DDX46: variants seen among roughly 807,000 people sequenced by gnomAD.
The protein encoded by DDX46 is DEAD-box helicase 46.
A neutral mutation model predicts 134.9 loss-of-function variants in DDX46; 30 were observed. That is an observed-to-expected ratio of 0.22 (90% CI 0.17 to 0.30). DDX46 has a LOEUF of 0.30. DDX46 is among the 10% of genes least tolerant of loss of function. DDX46 has a pLI of 1.00. For missense variants in DDX46, 622 were observed against 1,248.7 expected (o/e 0.50, Z 7.56); for synonymous variants, 415 against 404.1 (o/e 1.03, Z -0.32).
intron 17 of DDX46, 123 bp downstream of exon 17, chr5:134,811,481 T>C (rs1755140399): frequency 7.5e-7 from 1 of 1,336,868 alleles, no homozygotes; most frequent in Non-Finnish European, 1.0e-6. Context: ...TTTATTTCTC[T>C]CTAGAGGGAA....
intron 13 of DDX46, 55 bp from the exon 14 acceptor site, chr5:134,794,793 CAT>C: frequency 6.3e-7 from 1 of 1,589,320 alleles, no homozygotes; most frequent in Middle Eastern, 1.7e-4. Flanking sequence ...TTTAACATTG[CAT>C]AAGCTTTGAA....
chr5:134,770,552 C>G (rs1473904836), intron 3 of DDX46, among the ~76,000 whole-genome samples: 2 of 152,106 alleles, frequency 1.3e-5, no homozygotes, highest in Non-Finnish European at 2.9e-5. Context: ...TGGCTCATGC[C>G]TATAATCCCA....
intron 21 of DDX46, chr5:134,826,209 A>G (rs1490464141): frequency 6.6e-6 from 1 of 152,146 alleles, no homozygotes; most frequent in Non-Finnish European, 1.5e-5. Context: ...TTGTTTTTCT[A>G]GTCTGTAAGC....
rs375140794 is a variant in DDX46, at chr5:134,786,041, G to C, written c.1464+455G>C. On this transcript the variant is annotated intron_variant, in intron 11 of 22. Coordinates refer to ENST00000452510, the MANE Select transcript of DDX46 (RefSeq NM_001300860.2). The stretch of plus-strand genomic sequence containing the variant: ...TTTTTGTATTTTTAGTAGAGACGGG[G>C]TTTCACCATATTGGCCAGATTGGTC... Among the ~76,000 whole-genome samples, 93 of 152,114 alleles carry C rather than the reference G, an allele frequency of 6.1e-4. 1 individual carries two copies. In the Middle Eastern group the frequency reaches 0.02, roughly 33 times the overall value.
intron 15 of DDX46, chr5:134,804,792 CTG>C (rs1754934466): frequency 2.6e-6 from 1 of 384,686 alleles, no homozygotes; most frequent in Admixed American, 2.8e-5. Flanking sequence ...CTCTCTGACT[CTG>C]TGCTTGTGCC....
At chr5:134,810,342 T>C (rs1755107107) in intron 16 of DDX46, among the ~76,000 whole-genome samples, 1 of 151,360 alleles carries the variant, frequency 6.6e-6, no homozygotes. Flanking sequence ...TACCTATGTT[T>C]CTTTTTTTTT....
chr5:134,792,962 A>G (rs1047932985), intron 13 of DDX46, among the ~76,000 whole-genome samples: 2 of 152,048 alleles, frequency 1.3e-5, no homozygotes, highest in African/African-American at 4.8e-5. Context: ...CAAGACAAGC[A>G]GGGGGCAACA....
At chr5:134,809,940 G>C (rs1359522800) in intron 16 of DDX46, among the ~76,000 whole-genome samples, 5 of 152,178 alleles carry the variant, frequency 3.3e-5, no homozygotes, top group Non-Finnish European at 5.9e-5. Flanking sequence ...TTGAACCCGG[G>C]AGGCAGAGGT....
intron 15 of DDX46, among the ~76,000 whole-genome samples, chr5:134,801,948 C>T (rs1754840729): frequency 6.6e-6 from 1 of 151,932 alleles, no homozygotes; most frequent in Non-Finnish European, 1.5e-5. Context: ...TGTATTTATT[C>T]TGTGTGGGGT....
chr5:134,779,274 C>T (rs922125523), intron 6 of DDX46, among the ~76,000 whole-genome samples: 17 of 151,618 alleles, frequency 1.1e-4, no homozygotes, highest in African/African-American at 3.6e-4. Flanking sequence ...GCTCACTGCA[C>T]CCTGTGCCTC....
chr5:134,780,702 T>C (rs1321827879), intron 6 of DDX46: 1 of 151,960 alleles, frequency 6.6e-6, no homozygotes, highest in African/African-American at 2.4e-5. Flanking sequence ...TACAAATTAA[T>C]GAGAAAAACA....
intron 9 of DDX46, among the ~76,000 whole-genome samples, chr5:134,783,291 C>T (rs1344227267): frequency 2.7e-5 from 4 of 150,780 alleles, no homozygotes; most frequent in African/African-American, 9.8e-5. Flanking sequence ...GCTCTGTTGC[C>T]CAGGGTGGAG....
chr5:134,767,794 T>C (rs1753622900), intron 3 of DDX46, among the ~76,000 whole-genome samples: 1 of 151,462 alleles, frequency 6.6e-6, no homozygotes, highest in African/African-American at 2.4e-5. Context: ...CTACTAAAAA[T>C]ACAAAATTAG....
At chr5:134,807,309 C>G (rs528194879) in intron 15 of DDX46, among the ~76,000 whole-genome samples, 4 of 151,802 alleles carry the variant, frequency 2.6e-5, no homozygotes. Context: ...CATGAGCCAC[C>G]GCACCTGGCC....
chr5:134,794,702 G>C, intron 13 of DDX46, 148 bp from the exon 14 acceptor site: 1 of 913,992 alleles, frequency 1.1e-6, no homozygotes, highest in South Asian at 1.8e-5. Flanking sequence ...AGCATGTGTG[G>C]AGTTGTCATT....
intron 20 of DDX46, among the ~76,000 whole-genome samples, chr5:134,818,370 A>G (rs1425027306): frequency 1.3e-5 from 2 of 151,144 alleles, no homozygotes; most frequent in Non-Finnish European, 3.0e-5. Context: ...CTGGAATTAC[A>G]GGTGTGAGCC....
chr5:134,767,291 A>G (rs1208125082), intron 3 of DDX46, among the ~76,000 whole-genome samples: 1 of 152,206 alleles, frequency 6.6e-6, no homozygotes, highest in African/African-American at 2.4e-5. Flanking sequence ...TTCTTACTTA[A>G]TACATAACTG....
intron 13 of DDX46, among the ~76,000 whole-genome samples, chr5:134,794,646 T>G (rs1369133327): frequency 6.6e-6 from 1 of 152,186 alleles, no homozygotes; most frequent in East Asian, 1.9e-4. Flanking sequence ...GGTTGTAAGA[T>G]GAGTGACAGA....
intron 21 of DDX46, among the ~76,000 whole-genome samples, chr5:134,819,347 A>G (rs888446323): frequency 6.6e-6 from 1 of 152,210 alleles, no homozygotes; most frequent in African/African-American, 2.4e-5. Context: ...AGTCCACTTA[A>G]TGAATGTTTA....
Sources: allele counts gnomAD v4.1 joint callset (sites outside exome capture counted in the v4.1 genomes callset), GRCh38; gene constraint gnomAD v4.1.1; transcripts MANE v1.5; gene names NCBI Gene and HGNC (gene_info 2026-07-23, HGNC 2026-07-21).